SNTG1: variants seen among roughly 807,000 people sequenced by gnomAD.
The protein encoded by SNTG1 is gamma-1-syntrophin.
Under a neutral mutation model 74.7 loss-of-function variants are expected in SNTG1, and 39 were observed. The observed-to-expected ratio is 0.52, with a 90% CI of 0.40 to 0.68. The LOEUF (loss-of-function observed/expected upper bound fraction) is 0.68, where lower values mean the gene tolerates loss of function less well. SNTG1 is among the 30% of genes least tolerant of loss of function. SNTG1 has a pLI of 0.00. For synonymous variants in SNTG1, 254 were observed against 217.1 expected (o/e 1.17, Z -1.49); for missense variants, 685 against 609.5 (o/e 1.12, Z -1.30).
At chr8:49,924,680 T>C (rs118088573) in intron 1 of SNTG1, among the ~76,000 whole-genome samples, 1 of 152,050 alleles carries the variant, frequency 6.6e-6, no homozygotes, top group East Asian at 1.9e-4. Flanking sequence ...TATTTCATGA[T>C]GATACTCCAA....
intron 1 of SNTG1, among the ~76,000 whole-genome samples, chr8:50,091,651 G>A (rs2079741884): frequency 6.6e-6 from 1 of 152,056 alleles, no homozygotes; most frequent in Non-Finnish European, 1.5e-5. Context: ...ATTTCACTGT[G>A]TGTGTGTGTA....
chr8:50,639,687 C>A lies in SNTG1; in HGVS notation c.850-17222C>A, dbSNP rs561280639. Among the ~76,000 whole-genome samples, 61 of 152,074 alleles carry A rather than the reference C, an allele frequency of 4.0e-4. 2 individuals are homozygous for A. In the South Asian group the frequency reaches 0.012, roughly 29 times the overall value. ...TACAATAATGTACATTTTAAAAATA[C>A]TTATATTTAAATAATATATCAAGTA... is the stretch of plus-strand genomic sequence containing the variant. On this transcript the variant is annotated intron_variant, in intron 13 of 18. Transcript: ENST00000642720.
At chr8:49,969,646 C>T (rs1173070172) in intron 1 of SNTG1, among the ~76,000 whole-genome samples, 1 of 151,966 alleles carries the variant, frequency 6.6e-6, no homozygotes, top group East Asian at 1.9e-4. Context: ...ATCCACCGGC[C>T]TCGTTCTCCC....
chr8:50,287,340 C>G (rs1485876137), intron 2 of SNTG1, among the ~76,000 whole-genome samples: 1 of 152,128 alleles, frequency 6.6e-6, no homozygotes, highest in African/African-American at 2.4e-5. Flanking sequence ...TCCTAGTTCC[C>G]TTGTCTTTAT....
chr8:50,721,709 T>G (rs768447959), intron 17 of SNTG1, among the ~76,000 whole-genome samples: 1 of 152,200 alleles, frequency 6.6e-6, no homozygotes, highest in Non-Finnish European at 1.5e-5. Flanking sequence ...AGTTGTGATT[T>G]CTACTTCTTA....
At chr8:50,266,646 A>T (rs4437665) in intron 2 of SNTG1, among the ~76,000 whole-genome samples, 1 of 69,686 alleles carries the variant, frequency 1.4e-5, no homozygotes, top group Non-Finnish European at 4.2e-5. Context: ...ACACAGAATT[A>T]TGTGTGTGTG....
chr8:50,175,992 A>G (rs1040687742), intron 2 of SNTG1, among the ~76,000 whole-genome samples: 1 of 152,152 alleles, frequency 6.6e-6, no homozygotes, highest in African/African-American at 2.4e-5. Context: ...AGCTGTCACA[A>G]CTGGGTACCT....
intron 2 of SNTG1, among the ~76,000 whole-genome samples, chr8:50,368,617 A>G (rs2092184124): frequency 6.6e-6 from 1 of 152,132 alleles, no homozygotes; most frequent in Admixed American, 6.5e-5. Flanking sequence ...TTTGAACTGA[A>G]GAGGATAGGG....
chr8:50,290,433 T>C (rs1024388227), intron 2 of SNTG1, among the ~76,000 whole-genome samples: 5 of 152,326 alleles, frequency 3.3e-5, no homozygotes, highest in Middle Eastern at 3.4e-3. Context: ...CATTTTTCAC[T>C]GCTGTGTTCT....
At chr8:50,169,175 G>A (rs2082725508) in intron 1 of SNTG1, among the ~76,000 whole-genome samples, 1 of 152,034 alleles carries the variant, frequency 6.6e-6, no homozygotes, top group Non-Finnish European at 1.5e-5. Flanking sequence ...GGTTTTCAAT[G>A]AACAATAATT....
intron 2 of SNTG1, among the ~76,000 whole-genome samples, chr8:50,354,216 G>A (rs1563933600): frequency 6.6e-6 from 1 of 152,124 alleles, no homozygotes; most frequent in Non-Finnish European, 1.5e-5. Context: ...TCATCACAAA[G>A]GTGTAAAAGT....
intron 2 of SNTG1, among the ~76,000 whole-genome samples, chr8:50,230,168 G>A (rs542865046): frequency 4.0e-5 from 6 of 151,300 alleles, no homozygotes; most frequent in Non-Finnish European, 8.9e-5. Flanking sequence ...TTAAAAACTA[G>A]AGAAAAAGCA....
At chr8:49,931,190 G>C (rs1358704199) in intron 1 of SNTG1, among the ~76,000 whole-genome samples, 1 of 152,164 alleles carries the variant, frequency 6.6e-6, no homozygotes, top group East Asian at 1.9e-4. Flanking sequence ...TATACATGCA[G>C]AGCAACAGGA....
intron 13 of SNTG1, among the ~76,000 whole-genome samples, chr8:50,644,979 C>T (rs747029131): frequency 1.3e-5 from 2 of 148,942 alleles, no homozygotes; most frequent in African/African-American, 5.0e-5. Context: ...TGGTCTTAAA[C>T]GCGTAGGCTC....
intron 2 of SNTG1, among the ~76,000 whole-genome samples, chr8:50,325,681 A>T (rs1276045242): frequency 6.6e-6 from 1 of 152,094 alleles, no homozygotes; most frequent in Non-Finnish European, 1.5e-5. Flanking sequence ...AAACTTGCTT[A>T]AAAAGCTTGC....
intron 1 of SNTG1, among the ~76,000 whole-genome samples, chr8:50,124,285 T>C (rs1259544074): frequency 2.8e-5 from 4 of 141,912 alleles, no homozygotes; most frequent in African/African-American, 7.7e-5. Flanking sequence ...CGCTGACACA[T>C]CAGCCTCAGA....
intron 1 of SNTG1, among the ~76,000 whole-genome samples, chr8:50,098,294 A>G (rs896392367): frequency 2.0e-5 from 3 of 152,154 alleles, no homozygotes; most frequent in East Asian, 3.8e-4. Context: ...TCAGTATTTC[A>G]TTTCAAGATA....
intron 1 of SNTG1, among the ~76,000 whole-genome samples, chr8:49,957,685 G>A (rs1810299290): frequency 6.6e-6 from 1 of 152,194 alleles, no homozygotes; most frequent in Non-Finnish European, 1.5e-5. Context: ...TTACTCAGAT[G>A]CTTACCTTCC....
chr8:50,670,028 G>A (rs910919156), intron 15 of SNTG1, among the ~76,000 whole-genome samples: 1 of 152,114 alleles, frequency 6.6e-6, no homozygotes, highest in Admixed American at 6.6e-5. Context: ...ATTAGGTATT[G>A]ATGGGATGTA....
Sources: gnomAD v4.1 joint callset for allele counts (sites outside exome capture counted in the v4.1 genomes callset) on GRCh38, gnomAD v4.1.1 for gene constraint, MANE v1.5 for transcripts, NCBI Gene and HGNC (gene_info 2026-07-23, HGNC 2026-07-21) for gene names.